Variants in CNTN4 observed in about 807,000 individuals in gnomAD.
The protein encoded by CNTN4 is contactin 4, also known as contactin-4.
CNTN4 carries 77 observed loss-of-function variants against 122.5 expected under a neutral mutation model. That is an observed-to-expected ratio of 0.63 (90% CI 0.52 to 0.76). The LOEUF is 0.76. Ranked by LOEUF, CNTN4 falls within the 30% of genes least tolerant of loss-of-function variation. The pLI, the probability that CNTN4 is intolerant of heterozygous loss-of-function variation, is 0.00. For synonymous variants in CNTN4, 512 were observed against 447.0 expected (o/e 1.15, Z -1.83); for missense variants, 1,256 against 1,259.1 (o/e 1.00, Z 0.04).
At chr3:2,574,791 A>G (rs954853673) in intron 4 of CNTN4, among the ~76,000 whole-genome samples, 2 of 152,150 alleles carry the variant, frequency 1.3e-5, no homozygotes, top group Non-Finnish European at 2.9e-5. Context: ...ATGCCCCACT[A>G]AAATATTAAT....
intron 2 of CNTN4, among the ~76,000 whole-genome samples, chr3:2,138,839 T>C (rs2034840034): frequency 6.6e-6 from 1 of 152,192 alleles, no homozygotes; most frequent in Non-Finnish European, 1.5e-5. Flanking sequence ...CAATTCTTTG[T>C]AATAAATTTT....
At chr3:2,810,885 T>C (rs1576883805) in intron 6 of CNTN4, among the ~76,000 whole-genome samples, 1 of 152,090 alleles carries the variant, frequency 6.6e-6, no homozygotes, top group Non-Finnish European at 1.5e-5. Flanking sequence ...ACTCAGGCAG[T>C]TGGAGAGAGA....
At chr3:2,694,250 C>G (rs1429900945) in intron 4 of CNTN4, among the ~76,000 whole-genome samples, 1 of 152,160 alleles carries the variant, frequency 6.6e-6, no homozygotes, top group African/African-American at 2.4e-5. Context: ...TAAAGCCAAA[C>G]ACAGCTGTTT....
chr3:3,019,745 GGT>G (rs202036131), intron 14 of CNTN4, among the ~76,000 whole-genome samples: 47 of 141,934 alleles, frequency 3.3e-4, no homozygotes, highest in African/African-American at 1.0e-3. Flanking sequence ...AGGGAGAAGG[GGT>G]GTGTGTGTGT....
At position 2,584,898 on chromosome 3, in the gene CNTN4, A is replaced by AAGGT. The variant is rs1249530219; in HGVS notation, c.55+13359_55+13362dup. Among the ~76,000 whole-genome samples, 63 of 151,370 alleles carry AAGGT rather than the reference A, an allele frequency of 4.2e-4. 1 individual carries two copies. Among genetic ancestry groups the AAGGT allele is most frequent in the South Asian group, 1.5e-3 (7 of 4,786 alleles). ...GGTAGGTAGGTAGATACGAAGTAGG[A>AAGGT]AGGTAGGTAGGTAGGTAGGTAGATA... On this transcript the variant is annotated intron_variant, in intron 4 of 24. Coordinates refer to ENST00000418658, the MANE Select transcript of CNTN4 (RefSeq NM_175607.3).
intron 2 of CNTN4, among the ~76,000 whole-genome samples, chr3:2,152,790 T>C (rs1449761781): frequency 2.6e-5 from 4 of 152,096 alleles, no homozygotes; most frequent in East Asian, 1.9e-4. Flanking sequence ...GTCATGTCGA[T>C]GTGAGACAAA....
At chr3:2,349,962 C>G (rs1429417919) in intron 3 of CNTN4, among the ~76,000 whole-genome samples, 1 of 152,170 alleles carries the variant, frequency 6.6e-6, no homozygotes, top group Non-Finnish European at 1.5e-5. Context: ...TAACATATCT[C>G]TGAGCCTGTG....
At chr3:2,747,861 A>G (rs571046402) in intron 6 of CNTN4, among the ~76,000 whole-genome samples, 35 of 152,354 alleles carry the variant, frequency 2.3e-4, no homozygotes, top group Admixed American at 2.0e-3. Context: ...GTTCAAAAAT[A>G]CAAAAACAAA....
At chr3:2,829,151 T>C (rs987594382) in intron 7 of CNTN4, among the ~76,000 whole-genome samples, 2 of 152,204 alleles carry the variant, frequency 1.3e-5, no homozygotes, top group Admixed American at 6.5e-5. Context: ...TTCCTCCCTT[T>C]TTTCTCTTCC....
intron 2 of CNTN4, among the ~76,000 whole-genome samples, chr3:2,316,773 C>T (rs530214869): frequency 2.0e-4 from 30 of 152,240 alleles, no homozygotes; most frequent in Admixed American, 3.3e-4. Flanking sequence ...GAGTTTAAGA[C>T]GCCGAGCTCT....
intron 13 of CNTN4, among the ~76,000 whole-genome samples, chr3:2,963,601 G>C (rs2094883416): frequency 6.6e-6 from 1 of 152,026 alleles, no homozygotes. Context: ...TCATCGATTA[G>C]ATCTTAGCTC....
chr3:2,525,786 T>C (rs1263835180), intron 3 of CNTN4, among the ~76,000 whole-genome samples: 1 of 152,168 alleles, frequency 6.6e-6, no homozygotes, highest in African/African-American at 2.4e-5. Context: ...GCAGATAAAC[T>C]GAGTACTGAA....
chr3:2,812,589 C>T (rs1448823153), intron 6 of CNTN4, among the ~76,000 whole-genome samples: 2 of 150,864 alleles, frequency 1.3e-5, no homozygotes, highest in Non-Finnish European at 3.0e-5. Flanking sequence ...TGTTTTTTTG[C>T]CACAGTAGTG....
intron 14 of CNTN4, among the ~76,000 whole-genome samples, chr3:3,003,699 A>AC (rs1365617999): frequency 6.9e-5 from 10 of 144,700 alleles, no homozygotes; most frequent in African/African-American, 2.4e-4. Context: ...AAAAAAAAAA[A>AC]AAAAAAAAAA....
At chr3:2,139,524 T>C (rs758711630) in intron 2 of CNTN4, among the ~76,000 whole-genome samples, 7 of 152,158 alleles carry the variant, frequency 4.6e-5, no homozygotes, top group Non-Finnish European at 7.4e-5. Flanking sequence ...TGCAAAGATA[T>C]AACATAATGA....
intron 13 of CNTN4, among the ~76,000 whole-genome samples, chr3:2,934,417 T>G (rs2094550350): frequency 6.6e-6 from 1 of 151,376 alleles, no homozygotes; most frequent in Non-Finnish European, 1.5e-5. Flanking sequence ...TTGGAAGAGT[T>G]GAAATTCATG....
At chr3:2,763,749 C>T (rs1012014882) in intron 6 of CNTN4, among the ~76,000 whole-genome samples, 11 of 152,098 alleles carry the variant, frequency 7.2e-5, no homozygotes, top group African/African-American at 1.7e-4. Flanking sequence ...ATCCTTTCCC[C>T]GTTGTTTGGT....
chr3:2,899,679 G>A (rs564020913), intron 10 of CNTN4, among the ~76,000 whole-genome samples: 1 of 152,220 alleles, frequency 6.6e-6, no homozygotes, highest in East Asian at 1.9e-4. Context: ...TTATCATTTG[G>A]GCAGCGGGGG....
intron 5 of CNTN4, among the ~76,000 whole-genome samples, chr3:2,742,307 C>T (rs950557403): frequency 4.6e-5 from 7 of 152,172 alleles, no homozygotes; most frequent in Non-Finnish European, 8.8e-5. Context: ...GACCCAGACC[C>T]AGAAAAATTT....
Sources: allele counts gnomAD v4.1 joint callset (sites outside exome capture counted in the v4.1 genomes callset), GRCh38; gene constraint gnomAD v4.1.1; transcripts MANE v1.5; gene names NCBI Gene and HGNC (gene_info 2026-07-23, HGNC 2026-07-21).